HMGA2: variants seen among roughly 807,000 people sequenced by gnomAD.
HMGA2 encodes the protein high mobility group AT-hook 2, also known as high mobility group protein HMGI-C.
In HMGA2, 8 loss-of-function variants were observed where a neutral mutation model predicts 19.1. The observed-to-expected ratio is 0.42, with a 90% CI of 0.25 to 0.76. The LOEUF (loss-of-function observed/expected upper bound fraction) is 0.76. HMGA2 is among the 30% of genes least tolerant of loss of function. The pLI is 0.28. For missense variants in HMGA2, 109 were observed against 136.3 expected (o/e 0.80, Z 1.00); for synonymous variants, 60 against 48.8 (o/e 1.23, Z -0.96).
At chr12:65,826,865 CAAAG>C (rs1284188582) in intron 1 of HMGA2, 1 of 151,564 alleles carries the variant, frequency 6.6e-6, no homozygotes, top group African/African-American at 2.4e-5. Flanking sequence ...GCAGAGTTCA[CAAAG>C]AAAGAAAAAT....
chr12:65,875,990 T>C (rs544593053), intron 3 of HMGA2, among the ~76,000 whole-genome samples: 1 of 152,272 alleles, frequency 6.6e-6, no homozygotes, highest in African/African-American at 2.4e-5. Flanking sequence ...TGAAACTGCA[T>C]TCAACTAGAC....
intron 2 of HMGA2, among the ~76,000 whole-genome samples, chr12:65,836,699 C>T (rs74097805): frequency 0.021 from 3,143 of 152,184 alleles, 118 homozygotes; most frequent in African/African-American, 0.069. Flanking sequence ...AAATTCATGC[C>T]CTTGGGACTG....
intron 3 of HMGA2, among the ~76,000 whole-genome samples, chr12:65,860,384 A>T (rs1249428452): frequency 6.6e-6 from 1 of 152,216 alleles, no homozygotes; most frequent in Non-Finnish European, 1.5e-5. Context: ...TTTCTACTGA[A>T]CGTGTATCAC....
chr12:65,909,595 A>G (rs1874753374), intron 3 of HMGA2, among the ~76,000 whole-genome samples: 1 of 152,162 alleles, frequency 6.6e-6, no homozygotes, highest in Admixed American at 6.5e-5. Flanking sequence ...TTAGAAACCA[A>G]CCAACCAACA....
chr12:65,840,875 A>T (rs1359046359), intron 3 of HMGA2, among the ~76,000 whole-genome samples: 1 of 152,140 alleles, frequency 6.6e-6, no homozygotes, highest in East Asian at 1.9e-4. Flanking sequence ...AACCTCCATC[A>T]TATGGGGCCT....
intron 2 of HMGA2, among the ~76,000 whole-genome samples, chr12:65,832,907 TAGAG>T (rs1312187431): frequency 2.0e-5 from 3 of 151,956 alleles, no homozygotes; most frequent in Non-Finnish European, 2.9e-5. Context: ...TACAAAGAAG[TAGAG>T]AGAAGATTTG....
Position 65,966,161 on chromosome 12 carries a change from T to C in HMGA2, c.*2869T>C, listed in dbSNP as rs984263132. 1 of 204,608 alleles carries C rather than the reference T, an allele frequency of 4.9e-6. No homozygotes were observed. Among genetic ancestry groups the C allele is most frequent in the Non-Finnish European group, 1.0e-5 (1 of 99,630 alleles). The allele number at this position is 204,608 out of a possible 1,614,324, so 12.7% of individuals were successfully genotyped here. A position where few individuals can be genotyped will look rare whatever the true frequency, so the allele number is the denominator to read the frequency against. On this transcript the variant is annotated 3_prime_UTR_variant, in exon 5 of 5. Coordinates refer to ENST00000403681, the MANE Select transcript of HMGA2 (RefSeq NM_003483.6). The stretch of plus-strand genomic sequence containing the variant: ...CTTTGAATCGCTTGCTTGTTGAAAA[T>C]ATTTCTCTAGTGTATTATCACTGTC...
chr12:65,920,664 C>T (rs553668023), intron 3 of HMGA2, among the ~76,000 whole-genome samples: 1 of 152,168 alleles, frequency 6.6e-6, no homozygotes, highest in South Asian at 2.1e-4. Context: ...TTTGCTTCTT[C>T]CTCATTTTCT....
At chr12:65,831,926 A>C (rs1487664563) in intron 2 of HMGA2, among the ~76,000 whole-genome samples, 1 of 151,948 alleles carries the variant, frequency 6.6e-6, no homozygotes, top group Non-Finnish European at 1.5e-5. Flanking sequence ...TAACTTTGGA[A>C]GTTATCATAT....
chr12:65,896,970 CTGT>C (rs1177600537), intron 3 of HMGA2, among the ~76,000 whole-genome samples: 6 of 152,206 alleles, frequency 3.9e-5, no homozygotes, highest in Non-Finnish European at 8.8e-5. Flanking sequence ...TAACTCGTCA[CTGT>C]TGTTGTATCC....
intron 3 of HMGA2, 141 bp downstream of exon 3, chr12:65,838,710 CA>C: frequency 1.5e-6 from 1 of 677,142 alleles, no homozygotes; most frequent in Non-Finnish European, 2.6e-6. Flanking sequence ...AGTCAAGAGA[CA>C]AATTATCATC....
intron 2 of HMGA2, among the ~76,000 whole-genome samples, chr12:65,834,987 C>T (rs892110335): frequency 3.3e-5 from 5 of 152,102 alleles, no homozygotes; most frequent in South Asian, 4.2e-4. Context: ...TGTAAATATT[C>T]GCATAATAGT....
At chr12:65,856,837 T>C (rs939096120) in intron 3 of HMGA2, 5 of 152,388 alleles carry the variant, frequency 3.3e-5, no homozygotes, top group Admixed American at 3.3e-4. Flanking sequence ...GCAGTTCCTG[T>C]GTGTCTGTGT....
rs924088445 is a variant in HMGA2, at chr12:65,929,996, A to C, written c.250-21387A>C. ...GAACTGTAGAGGGGGGAAACCATGAAAGATAGAAAAAGATGAGAAGAAAGA... is the reference window on the plus strand; with the variant it reads ...GAACTGTAGAGGGGGGAAACCATGACAGATAGAAAAAGATGAGAAGAAAGA... On this transcript the variant is annotated intron_variant, in intron 3 of 4. Transcript: ENST00000403681. Among the ~76,000 whole-genome samples, 6 of 152,288 alleles carry C rather than the reference A, an allele frequency of 3.9e-5. No individual in the cohort carries two copies. The South Asian group carries it at 6.2e-4, about 16-fold the overall frequency.
At position 65,850,434 on chromosome 12, in the gene HMGA2, T is replaced by C. The variant is rs182464981; in HGVS notation, c.249+11865T>C. ...GCAAATGGGTTATGTATATTATTGCTTTAATAGAATGATCAATGCACTTAG... is the reference window on the plus strand; with the variant it reads ...GCAAATGGGTTATGTATATTATTGCCTTAATAGAATGATCAATGCACTTAG... On this transcript the variant is annotated intron_variant, in intron 3 of 4. Coordinates refer to ENST00000403681, the MANE Select transcript of HMGA2 (RefSeq NM_003483.6). Among the ~76,000 whole-genome samples, 373 of 152,278 alleles carry C rather than the reference T, an allele frequency of 2.4e-3. 3 individuals carry two copies. Among genetic ancestry groups the C allele is most frequent in the African/African-American group, 8.3e-3 (344 of 41,560 alleles).
At chr12:65,958,196 TTTA>T (rs1259369072) in intron 4 of HMGA2, 6 of 152,234 alleles carry the variant, frequency 3.9e-5, no homozygotes, top group Admixed American at 3.9e-4. Flanking sequence ...TCAACCCAAC[TTTA>T]TTAAGCTGAT....
intron 3 of HMGA2, among the ~76,000 whole-genome samples, chr12:65,855,699 AGATGATGATGATGAT>A (rs3048830): frequency 8.3e-4 from 124 of 148,650 alleles, no homozygotes; most frequent in African/African-American, 2.8e-3. Flanking sequence ...ACCAGAACAC[AGATGATGATGATGAT>A]GATGATGATG....
At chr12:65,950,998 G>A (rs987323323) in intron 3 of HMGA2, among the ~76,000 whole-genome samples, 1 of 152,074 alleles carries the variant, frequency 6.6e-6, no homozygotes, top group South Asian at 2.1e-4. Context: ...GCATGATCAC[G>A]GCTCACTGCA....
intron 4 of HMGA2, chr12:65,952,156 C>T (rs542620661): frequency 4.4e-5 from 23 of 521,538 alleles, no homozygotes; most frequent in Admixed American, 9.6e-5. Context: ...AGTATAAGAA[C>T]GTCCTGCTGT....
Sources: allele counts gnomAD v4.1 joint callset (sites outside exome capture counted in the v4.1 genomes callset), GRCh38; gene constraint gnomAD v4.1.1; transcripts MANE v1.5; gene names NCBI Gene and HGNC (gene_info 2026-07-23, HGNC 2026-07-21).